KCNH5: variants seen among roughly 807,000 people sequenced by gnomAD.
KCNH5 encodes the protein potassium voltage-gated channel subfamily H member 5, also known as voltage-gated delayed rectifier potassium channel KCNH5.
In KCNH5, 46 loss-of-function variants were observed where a neutral mutation model predicts 96.1. That is an observed-to-expected ratio of 0.48 (90% CI 0.38 to 0.61). The LOEUF (loss-of-function observed/expected upper bound fraction) is 0.61, where lower values mean the gene tolerates loss of function less well. KCNH5 is among the 20% of genes least tolerant of loss of function. The pLI is 0.00. For missense variants in KCNH5, 907 were observed against 1,225.8 expected (o/e 0.74, Z 3.88); for synonymous variants, 439 against 449.8 (o/e 0.98, Z 0.30).
chr14:62,873,005 C>G (rs1888288979), intron 7 of KCNH5, among the ~76,000 whole-genome samples: 1 of 151,858 alleles, frequency 6.6e-6, no homozygotes, highest in Non-Finnish European at 1.5e-5. Context: ...AAAATATTAG[C>G]CAGGTGTGGT....
chr14:62,895,716 CAAG>C (rs1370851777), intron 7 of KCNH5, among the ~76,000 whole-genome samples: 1 of 152,104 alleles, frequency 6.6e-6, no homozygotes, highest in Non-Finnish European at 1.5e-5. Context: ...AGAGAGATGA[CAAG>C]GAGACATTGA....
intron 2 of KCNH5, among the ~76,000 whole-genome samples, chr14:63,012,764 G>C (rs1213647800): frequency 1.3e-5 from 2 of 151,796 alleles, no homozygotes; most frequent in Non-Finnish European, 2.9e-5. Context: ...ACACAAAGAA[G>C]TCTAAAAACA....
At chr14:62,844,016 A>C (rs1887642259) in intron 8 of KCNH5, among the ~76,000 whole-genome samples, 1 of 152,198 alleles carries the variant, frequency 6.6e-6, no homozygotes, top group Non-Finnish European at 1.5e-5. Flanking sequence ...TGCTTCTCTG[A>C]TAGATTCGGT....
chr14:62,892,553 T>C (rs766761807), intron 7 of KCNH5, among the ~76,000 whole-genome samples: 2 of 152,178 alleles, frequency 1.3e-5, no homozygotes, highest in African/African-American at 2.4e-5. Context: ...AACAACAAAT[T>C]TTCAATGTAA....
intron 7 of KCNH5, among the ~76,000 whole-genome samples, chr14:62,863,315 C>T (rs1185349681): frequency 6.6e-6 from 1 of 152,080 alleles, no homozygotes; most frequent in East Asian, 1.9e-4. Flanking sequence ...GAACCACCAT[C>T]CCAGTTTAAA....
At chr14:62,905,680 C>T (rs1889013398) in intron 7 of KCNH5, among the ~76,000 whole-genome samples, 1 of 152,204 alleles carries the variant, frequency 6.6e-6, no homozygotes, top group African/African-American at 2.4e-5. Context: ...CTCAGTGAAC[C>T]AGTTGTCAGT....
intron 6 of KCNH5, among the ~76,000 whole-genome samples, chr14:62,959,632 T>C (rs942221723): frequency 6.6e-6 from 1 of 152,180 alleles, no homozygotes; most frequent in Non-Finnish European, 1.5e-5. Context: ...TGAATTCTGA[T>C]GTTTGCATCA....
At chr14:63,000,068 C>T (rs540281054) in intron 4 of KCNH5, among the ~76,000 whole-genome samples, 1 of 152,216 alleles carries the variant, frequency 6.6e-6, no homozygotes, top group African/African-American at 2.4e-5. Context: ...GAATGGTTTG[C>T]ACACTGTAAA....
chr14:62,902,256 C>A (rs1888942984), intron 7 of KCNH5, among the ~76,000 whole-genome samples: 2 of 151,158 alleles, frequency 1.3e-5, no homozygotes, highest in Admixed American at 1.3e-4. Flanking sequence ...TCTTCAGTTT[C>A]TTTTGAGGAC....
At chr14:63,022,374 ACTGT>A (rs1271826602) in intron 1 of KCNH5, among the ~76,000 whole-genome samples, 4 of 152,188 alleles carry the variant, frequency 2.6e-5, no homozygotes, top group African/African-American at 7.2e-5. Context: ...TACTCAGGTA[ACTGT>A]CTGATTTACT....
At chr14:62,865,604 G>T (rs534049496) in intron 7 of KCNH5, among the ~76,000 whole-genome samples, 1 of 152,244 alleles carries the variant, frequency 6.6e-6, no homozygotes, top group African/African-American at 2.4e-5. Flanking sequence ...AGGGCCCGGG[G>T]GCTATCTGCG....
intron 10 of KCNH5, among the ~76,000 whole-genome samples, chr14:62,725,427 C>A (rs1475977484): frequency 6.6e-6 from 1 of 152,188 alleles, no homozygotes; most frequent in East Asian, 1.9e-4. Context: ...TTTTCTAAAG[C>A]ACAGTTTCCT....
intron 7 of KCNH5, among the ~76,000 whole-genome samples, chr14:62,891,236 T>C (rs564947781): frequency 6.6e-6 from 1 of 152,240 alleles, no homozygotes; most frequent in East Asian, 1.9e-4. Flanking sequence ...TAAAAAACAA[T>C]GAGATCATGT....
intron 9 of KCNH5, among the ~76,000 whole-genome samples, chr14:62,798,206 T>C (rs575503719): frequency 3.9e-5 from 6 of 152,300 alleles, no homozygotes; most frequent in South Asian, 2.1e-4. Flanking sequence ...TCTTGAGAAT[T>C]TGAAGTTACA....
intron 7 of KCNH5, among the ~76,000 whole-genome samples, chr14:62,905,056 G>C (rs1889000585): frequency 6.6e-6 from 1 of 152,144 alleles, no homozygotes; most frequent in African/African-American, 2.4e-5. Context: ...TCAAAGAGCT[G>C]GTAGAGACTT....
At chr14:62,715,199 A>G (rs1235364493) in intron 10 of KCNH5, among the ~76,000 whole-genome samples, 2 of 152,216 alleles carry the variant, frequency 1.3e-5, no homozygotes, top group African/African-American at 4.8e-5. Flanking sequence ...TTGAAATCCA[A>G]TAAAGGCAAG....
At position 62,921,578 on chromosome 14, in the gene KCNH5, A is replaced by C. The variant is rs1445135938; in HGVS notation, c.1369+28555T>G. ...ACCAGCATTCTGGGAAATCTGGACT[A>C]AGCCATATGATTTCTCATAGCCATA... On this transcript the variant is annotated intron_variant, in intron 7 of 10. Coordinates refer to ENST00000322893, the MANE Select transcript of KCNH5 (RefSeq NM_139318.5). Among the ~76,000 whole-genome samples the C allele has an allele frequency of 2.0e-5, 3 of 152,144 alleles. No individual in the cohort carries two copies. The East Asian group carries it at 5.8e-4, about 29-fold the overall frequency.
intron 7 of KCNH5, among the ~76,000 whole-genome samples, chr14:62,901,787 C>G (rs1389329946): frequency 6.6e-6 from 1 of 152,204 alleles, no homozygotes; most frequent in Admixed American, 6.5e-5. Flanking sequence ...GTTTTAAGCT[C>G]TTTGAGAAAT....
Position 62,703,736 on chromosome 14 carries a change from A to C in KCNH5, c.*3772T>G, listed in dbSNP as rs1480949007. 5 of 151,926 alleles carry C rather than the reference A, an allele frequency of 3.3e-5. No individual in the cohort carries two copies. The highest frequency in any genetic ancestry group is 7.4e-5 in the Non-Finnish European group (5 of 67,784). The allele number at this position is 151,926 out of a possible 1,614,324, so 9.4% of individuals were successfully genotyped here. On this transcript the variant is annotated 3_prime_UTR_variant, in exon 11 of 11. Coordinates refer to ENST00000322893, the MANE Select transcript of KCNH5 (RefSeq NM_139318.5). The stretch of plus-strand genomic sequence containing the variant: ...ATTATAGCACAACATTCACATGATT[A>C]TAAAATATTCATATTTGAAAGTTAT...
Sources: gnomAD v4.1 joint callset for allele counts (sites outside exome capture counted in the v4.1 genomes callset) on GRCh38, gnomAD v4.1.1 for gene constraint, MANE v1.5 for transcripts, NCBI Gene and HGNC (gene_info 2026-07-23, HGNC 2026-07-21) for gene names.